LINC00632: variants seen among roughly 807,000 people sequenced by gnomAD.
LINC00632 encodes ALDOA related specific transcript.
At chrX:140,791,027 C>T (rs1388092849) in exon 5 of LINC00632, among the ~76,000 whole-genome samples, 3 of 111,029 alleles carry the variant, frequency 2.7e-5, no homozygotes, top group African/African-American at 9.8e-5. Flanking sequence ...TTTATAACTT[C>T]CAGGACAATG....
At position 140,757,846 on chromosome X, in the gene LINC00632, C is replaced by T. The variant is rs184313627; in HGVS notation, n.192-14232C>T. Among the ~76,000 whole-genome samples the T allele has an allele frequency of 7.0e-3, 781 of 111,699 alleles. 3 individuals are homozygous for T. The highest frequency in any genetic ancestry group is 0.018 in the Middle Eastern group (4 of 217). On this transcript the variant is annotated intron_variant and non_coding_transcript_variant, in intron 3 of 4. Coordinates refer to ENST00000648200, the Ensembl canonical transcript of LINC00632. ...CCTCCCAAAGTGCTGGGATTACAGG[C>T]GTGAGACACCACATCCAGCCTCTTT...
intron 2 of LINC00632, among the ~76,000 whole-genome samples, chrX:140,726,277 G>A (rs995985246): frequency 6.3e-5 from 7 of 111,005 alleles, no homozygotes; most frequent in African/African-American, 1.3e-4. Flanking sequence ...CACAACGCAC[G>A]CACATGCCTT....
intron 3 of LINC00632, among the ~76,000 whole-genome samples, chrX:140,770,231 G>A (rs1931766287): frequency 9.0e-6 from 1 of 111,709 alleles, no homozygotes; most frequent in Non-Finnish European, 1.9e-5. Context: ...CACAGGATGA[G>A]ATAGGAGGTC....
intron 3 of LINC00632, among the ~76,000 whole-genome samples, chrX:140,765,390 C>A (rs943594252): frequency 8.9e-6 from 1 of 111,810 alleles, no homozygotes; most frequent in Admixed American, 9.5e-5. Context: ...GCATTGGAAC[C>A]GCCCGATCCC....
intron 3 of LINC00632, among the ~76,000 whole-genome samples, chrX:140,734,908 C>A (rs1286644845): frequency 9.3e-6 from 1 of 108,103 alleles, no homozygotes; most frequent in African/African-American, 3.4e-5. Context: ...ATTACAGGCA[C>A]GTGCCACCAC....
At chrX:140,721,404 G>A (rs73234920) in intron 2 of LINC00632, among the ~76,000 whole-genome samples, 1 of 111,539 alleles carries the variant, frequency 9.0e-6, no homozygotes, top group Non-Finnish European at 1.9e-5. Flanking sequence ...GGGTGAGGTG[G>A]GAGGGGTGGT....
In LINC00632 at chrX:140,724,301, ACATT is replaced by A. The variant is rs1325116773; in HGVS notation, n.105-9574_105-9571del. On this transcript the variant is annotated intron_variant and non_coding_transcript_variant, in intron 2 of 4. Transcript: ENST00000648200. ...ACAGACACACATTCCATACACACAC[ACATT>A]CAGACACATTCCATACTCACACACA... Among the ~76,000 whole-genome samples the A allele has an allele frequency of 4.5e-5, 4 of 89,702 alleles. No individual in the cohort carries two copies. The South Asian group carries it at 1.7e-3, about 37-fold the overall frequency. The allele number at this position is 89,702 out of a possible 115,157, so 77.9% of individuals were successfully genotyped here. A position where few individuals can be genotyped will look rare whatever the true frequency, so the allele number is the denominator to read the frequency against.
At chrX:140,759,528 A>T (rs1451094301) in intron 3 of LINC00632, among the ~76,000 whole-genome samples, 3 of 100,122 alleles carry the variant, frequency 3.0e-5, no homozygotes, top group African/African-American at 1.1e-4. Context: ...AGCTAATTAA[A>T]TTTTTTTTTT....
chrX:140,764,360 G>A (rs1445528409), intron 3 of LINC00632, among the ~76,000 whole-genome samples: 1 of 99,018 alleles, frequency 1.0e-5, no homozygotes, highest in South Asian at 5.5e-4. Flanking sequence ...TGGGGCGGGG[G>A]CGGGGGTGGG....
chrX:140,746,611 CACTT>C (rs1316944007), intron 3 of LINC00632, among the ~76,000 whole-genome samples: 4 of 112,121 alleles, frequency 3.6e-5, no homozygotes, highest in African/African-American at 6.5e-5. Context: ...AATGATCACT[CACTT>C]ACAATCATGT....
In LINC00632 at chrX:140,745,250, T is replaced by C. The variant is rs376146931; in HGVS notation, n.191+11286T>C. 2.0e-3 allele frequency among the ~76,000 whole-genome samples: 222 copies of C among 110,092 alleles called. 1 individual carries two copies. Among genetic ancestry groups the C allele is most frequent in the African/African-American group, 6.8e-3 (207 of 30,293 alleles). On this transcript the variant is annotated intron_variant and non_coding_transcript_variant, in intron 3 of 4. Transcript: ENST00000648200. Reference sequence around the variant, plus strand: ...CCATTCAGTCTCTGGCCATATTCATTAGATAACTCTTCCTCACATTGAACT... The same window carrying C: ...CCATTCAGTCTCTGGCCATATTCATCAGATAACTCTTCCTCACATTGAACT...
intron 3 of LINC00632, among the ~76,000 whole-genome samples, chrX:140,767,995 A>G (rs188837066): frequency 1.8e-5 from 2 of 111,912 alleles, no homozygotes; most frequent in Admixed American, 1.9e-4. Context: ...ACGTTTCAAC[A>G]TGAGTTTTGG....
intron 3 of LINC00632, among the ~76,000 whole-genome samples, chrX:140,748,765 C>G (rs1931364333): frequency 9.5e-6 from 1 of 105,356 alleles, no homozygotes; most frequent in Non-Finnish European, 1.9e-5. Context: ...CATAAACACA[C>G]ATTATAAAAT....
intron 3 of LINC00632, among the ~76,000 whole-genome samples, chrX:140,757,437 G>T (rs1242552635): frequency 9.0e-6 from 1 of 111,431 alleles, no homozygotes. Context: ...GGAGGGAGAA[G>T]ATTAAACAGT....
At chrX:140,771,305 G>A (rs889815323) in intron 3 of LINC00632, among the ~76,000 whole-genome samples, 2 of 98,458 alleles carry the variant, frequency 2.0e-5, no homozygotes, top group African/African-American at 9.3e-5. Flanking sequence ...TAAATGACAT[G>A]CTCGGAAAAA....
chrX:140,739,825 A>T (rs901426133), intron 3 of LINC00632, among the ~76,000 whole-genome samples: 13 of 109,706 alleles, frequency 1.2e-4, no homozygotes, highest in Non-Finnish European at 1.9e-4. Context: ...AAGTGTGATT[A>T]AAAAAAAATA....
exon 5 of LINC00632, among the ~76,000 whole-genome samples, chrX:140,781,973 T>A (rs2148404890): frequency 8.9e-6 from 1 of 112,239 alleles, no homozygotes; most frequent in Non-Finnish European, 1.9e-5. Flanking sequence ...TAGATACTGC[T>A]TATTCTTTGA....
exon 5 of LINC00632, among the ~76,000 whole-genome samples, chrX:140,782,196 A>T (rs1431323246): frequency 8.9e-6 from 1 of 112,068 alleles, no homozygotes; most frequent in East Asian, 2.8e-4. Context: ...ATGTCTTTTA[A>T]TTTAATATCT....
chrX:140,756,382 G>C (rs1350879851), intron 3 of LINC00632, among the ~76,000 whole-genome samples: 1 of 112,220 alleles, frequency 8.9e-6, no homozygotes. Context: ...AGTGTAGAAA[G>C]ACTCAAGATC....
Sources: gnomAD v4.1 joint callset for allele counts (sites outside exome capture counted in the v4.1 genomes callset) on GRCh38, gnomAD v4.1.1 for gene constraint, MANE v1.5 for transcripts, NCBI Gene and HGNC (gene_info 2026-07-23, HGNC 2026-07-21) for gene names.